NOL4: variants seen among roughly 807,000 people sequenced by gnomAD.
The protein encoded by NOL4 is nucleolar protein 4, also known as cancer/testis antigen 125.
NOL4 carries 17 observed loss-of-function variants against 75.9 expected under a neutral mutation model. That is an observed-to-expected ratio of 0.22 (90% confidence interval 0.15 to 0.34). The LOEUF (loss-of-function observed/expected upper bound fraction) is 0.34. NOL4 is among the 10% of genes least tolerant of loss of function. The probability of loss-of-function intolerance (pLI) is 1.00; values close to 1 mark genes in which losing one functional copy is unlikely to be tolerated. For synonymous variants in NOL4, 292 were observed against 289.9 expected (o/e 1.01, Z -0.07); for missense variants, 614 against 793.5 (o/e 0.77, Z 2.72).
chr18:34,126,113 C>G (rs772846800), intron 2 of NOL4, among the ~76,000 whole-genome samples: 1 of 152,094 alleles, frequency 6.6e-6, no homozygotes, highest in Non-Finnish European at 1.5e-5. Context: ...TGTCCTTCTA[C>G]GTGAAACATG....
chr18:34,143,179 G>A (rs1336201107), intron 1 of NOL4, among the ~76,000 whole-genome samples: 1 of 152,132 alleles, frequency 6.6e-6, no homozygotes, highest in Non-Finnish European at 1.5e-5. Flanking sequence ...AGAGTGCGGA[G>A]TGAAAACAGA....
chr18:33,884,953 T>A (rs2064547534), intron 9 of NOL4, among the ~76,000 whole-genome samples: 1 of 152,118 alleles, frequency 6.6e-6, no homozygotes, highest in Non-Finnish European at 1.5e-5. Context: ...CCCATTCAAC[T>A]CTGACCATTA....
At chr18:34,164,683 C>T (rs1296785132) in intron 1 of NOL4, among the ~76,000 whole-genome samples, 1 of 151,940 alleles carries the variant, frequency 6.6e-6, no homozygotes, top group Non-Finnish European at 1.5e-5. Context: ...GTCAGTGTGG[C>T]GATTCCTCAG....
chr18:34,078,829 AT>A (rs2077863507), intron 5 of NOL4, among the ~76,000 whole-genome samples: 1 of 152,224 alleles, frequency 6.6e-6, no homozygotes, highest in Non-Finnish European at 1.5e-5. Context: ...AAGGAGAGAC[AT>A]TTATCAGGAT....
intron 2 of NOL4, among the ~76,000 whole-genome samples, chr18:34,108,380 C>A (rs889604949): frequency 6.6e-6 from 1 of 151,814 alleles, no homozygotes; most frequent in African/African-American, 2.4e-5. Flanking sequence ...GGATCAAATT[C>A]TCCAATCAAA....
chr18:34,071,561 G>A (rs923019012), intron 5 of NOL4, among the ~76,000 whole-genome samples: 1 of 151,978 alleles, frequency 6.6e-6, no homozygotes, highest in African/African-American at 2.4e-5. Flanking sequence ...ACCATACTTT[G>A]AGTATCTATA....
At chr18:34,162,666 G>T (rs2031690068) in intron 1 of NOL4, among the ~76,000 whole-genome samples, 1 of 151,848 alleles carries the variant, frequency 6.6e-6, no homozygotes, top group African/African-American at 2.4e-5. Context: ...GGAGGTACAA[G>T]GAGGAACTGG....
rs890359659 is a variant in NOL4, at chr18:34,196,261, T to C, written c.264+26729A>G. Among the ~76,000 whole-genome samples the C allele has an allele frequency of 2.6e-5, 4 of 152,212 alleles. No homozygotes were observed. The South Asian group carries it at 6.2e-4, about 24-fold the overall frequency. On this transcript the variant is annotated intron_variant, in intron 1 of 10. Coordinates refer to ENST00000261592, the MANE Select transcript of NOL4 (RefSeq NM_003787.5). ...TAATGTGTGCATATACTTACCCTCA[T>C]AGAAATACTAAGGACAGTCAACTAG...
At chr18:33,894,621 C>T (rs2065289054) in intron 9 of NOL4, among the ~76,000 whole-genome samples, 1 of 152,084 alleles carries the variant, frequency 6.6e-6, no homozygotes, top group Non-Finnish European at 1.5e-5. Flanking sequence ...CCGCAGGATA[C>T]CTGTTACCAG....
At chr18:33,885,849 T>G (rs1315219472) in intron 9 of NOL4, among the ~76,000 whole-genome samples, 1 of 152,154 alleles carries the variant, frequency 6.6e-6, no homozygotes, top group Non-Finnish European at 1.5e-5. Flanking sequence ...AAAATCAATT[T>G]ATCAAAGATG....
At chr18:34,164,985 G>A (rs1291520320) in intron 1 of NOL4, among the ~76,000 whole-genome samples, 11 of 151,084 alleles carry the variant, frequency 7.3e-5, no homozygotes, top group East Asian at 3.9e-4. Context: ...GTAAACTATC[G>A]CAAGGACAAA....
chr18:33,933,047 C>G (rs1441265889), intron 9 of NOL4, among the ~76,000 whole-genome samples: 3 of 152,068 alleles, frequency 2.0e-5, no homozygotes, highest in African/African-American at 7.2e-5. Flanking sequence ...ATGGTCCAGA[C>G]ATACCTCAGA....
chr18:33,981,250 G>GA (rs1448785308), intron 6 of NOL4, among the ~76,000 whole-genome samples: 12 of 148,690 alleles, frequency 8.1e-5, no homozygotes, highest in Non-Finnish European at 1.6e-4. Context: ...ATTAAGATAG[G>GA]AAAAAAAGAG....
intron 9 of NOL4, among the ~76,000 whole-genome samples, chr18:33,930,740 T>C (rs2067633992): frequency 6.6e-6 from 1 of 152,170 alleles, no homozygotes; most frequent in South Asian, 2.1e-4. Context: ...ATATTGGATT[T>C]TGTGGTATCT....
intron 5 of NOL4, among the ~76,000 whole-genome samples, chr18:34,086,136 G>T (rs1413759680): frequency 6.6e-6 from 1 of 152,002 alleles, no homozygotes; most frequent in Non-Finnish European, 1.5e-5. Context: ...GTTTAATAAT[G>T]CATTAAAACA....
At chr18:33,996,918 G>GTA (rs1283843581) in intron 6 of NOL4, among the ~76,000 whole-genome samples, 1 of 151,806 alleles carries the variant, frequency 6.6e-6, no homozygotes, top group East Asian at 1.9e-4. Flanking sequence ...TCCTATGGGT[G>GTA]TATATATACC....
At chr18:33,980,243 T>C (rs2071842589) in intron 6 of NOL4, among the ~76,000 whole-genome samples, 1 of 151,898 alleles carries the variant, frequency 6.6e-6, no homozygotes. Context: ...TAAATTGTAA[T>C]TGACAAATTT....
At chr18:34,138,195 T>G (rs1025212558) in intron 1 of NOL4, among the ~76,000 whole-genome samples, 21 of 152,118 alleles carry the variant, frequency 1.4e-4, no homozygotes, top group African/African-American at 4.6e-4. Context: ...GTGGATCTCT[T>G]GAGCCCAAGA....
chr18:33,954,453 C>G (rs1029754365), intron 8 of NOL4, among the ~76,000 whole-genome samples: 1 of 151,870 alleles, frequency 6.6e-6, no homozygotes, highest in Non-Finnish European at 1.5e-5. Context: ...GTATAAAATG[C>G]TCTTTCGAGA....
Sources: gnomAD v4.1 joint callset for allele counts (sites outside exome capture counted in the v4.1 genomes callset) on GRCh38, gnomAD v4.1.1 for gene constraint, MANE v1.5 for transcripts, NCBI Gene and HGNC (gene_info 2026-07-23, HGNC 2026-07-21) for gene names.